The following RPS6KC1 variants were observed in gnomAD, a reference collection of about 807,000 sequenced individuals.
RPS6KC1 encodes inactive ribosomal protein S6 kinase delta-1.
Under a neutral mutation model 103.8 loss-of-function variants are expected in RPS6KC1, and 54 were observed. That is an observed-to-expected ratio of 0.52 (90% CI 0.42 to 0.65). The LOEUF (loss-of-function observed/expected upper bound fraction) is 0.65. Ranked by LOEUF, RPS6KC1 falls within the 30% of genes least tolerant of loss-of-function variation. The pLI, the probability that RPS6KC1 is intolerant of heterozygous loss-of-function variation, is 0.00. For missense variants in RPS6KC1, 1,151 were observed against 1,253.8 expected, an observed-to-expected ratio of 0.92 and a Z score of 1.24; for synonymous variants, 439 against 438.7, an observed-to-expected ratio of 1.00 and a Z score of -0.01.
the RPS6KC1 span, among the ~76,000 whole-genome samples, chr1:213,281,053 G>A: frequency 6.6e-6 from 1 of 151,128 alleles, no homozygotes; most frequent in Non-Finnish European, 1.5e-5. Flanking sequence ...CACTGATTAT[G>A]ACCAGAGGCA....
the RPS6KC1 span, chr1:213,819,824 T>C: frequency 1.7e-4 from 26 of 152,146 alleles, no homozygotes; most frequent in Non-Finnish European, 3.2e-4. Context: ...ACCTTATCAT[T>C]TGGAGTCACT....
the RPS6KC1 span, among the ~76,000 whole-genome samples, chr1:213,304,261 A>AC: frequency 1.3e-5 from 2 of 151,640 alleles, no homozygotes. Flanking sequence ...GCCTTCCTTA[A>AC]CCCAGGACAT....
the RPS6KC1 span, among the ~76,000 whole-genome samples, chr1:213,712,432 G>A: frequency 6.6e-6 from 1 of 152,206 alleles, no homozygotes; most frequent in East Asian, 1.9e-4. Flanking sequence ...TTAAGCCAGT[G>A]GATCTTAGCT....
At chr1:213,733,216 G>T in the RPS6KC1 span, among the ~76,000 whole-genome samples, 13 of 138,202 alleles carry the variant, frequency 9.4e-5, no homozygotes, top group Admixed American at 9.5e-4. Context: ...GGGTTTTTTT[G>T]TTTTGTTTTG....
At chr1:213,758,039 T>C in the RPS6KC1 span, among the ~76,000 whole-genome samples, 1 of 152,206 alleles carries the variant, frequency 6.6e-6, no homozygotes, top group Non-Finnish European at 1.5e-5. Flanking sequence ...TCATTGACAA[T>C]GCACCTGGCC....
the RPS6KC1 span, among the ~76,000 whole-genome samples, chr1:213,587,071 G>A: frequency 5.9e-5 from 9 of 152,230 alleles, no homozygotes; most frequent in Admixed American, 1.3e-4. Flanking sequence ...CATCTATTCC[G>A]CACCTTTCAC....
At chr1:213,079,564 C>T (rs1297774846) in intron 3 of RPS6KC1, among the ~76,000 whole-genome samples, 3 of 152,004 alleles carry the variant, frequency 2.0e-5, no homozygotes, top group Non-Finnish European at 2.9e-5. Context: ...ACCATAGGTG[C>T]ACACCACCAT....
the RPS6KC1 span, among the ~76,000 whole-genome samples, chr1:213,447,997 G>C: frequency 6.6e-6 from 1 of 152,126 alleles, no homozygotes; most frequent in Non-Finnish European, 1.5e-5. Context: ...TTGGGAAGCT[G>C]AGGCAGGAGG....
rs1052969881 is a variant in RPS6KC1, at chr1:213,262,744, A to G, written c.3018A>G (p.Ala1006=). The G allele has an allele frequency of 6.2e-7, 1 of 1,611,568 alleles. No individual in the cohort carries two copies. The highest frequency in any genetic ancestry group is 8.5e-7 in the Non-Finnish European group (1 of 1,177,758). Residue 1006 remains alanine, a synonymous_variant, in exon 14 of 15, where the codon GCA becomes GCG. Transcript: ENST00000366960. ...TGKTLVECHP[A]GINTHTTLNM... ...AGACTCTGGTTGAATGCCATCCAGC[A>G]GGAATAAATACTCACACTACTTTGA... is the stretch of plus-strand genomic sequence containing the variant.
the RPS6KC1 span, among the ~76,000 whole-genome samples, chr1:213,748,872 T>G: frequency 6.6e-6 from 1 of 152,174 alleles, no homozygotes; most frequent in Non-Finnish European, 1.5e-5. Context: ...ACATGCTGGG[T>G]TTTGGATCTC....
chr1:213,803,483 G>A, the RPS6KC1 span, among the ~76,000 whole-genome samples: 67 of 152,196 alleles, frequency 4.4e-4, no homozygotes, highest in African/African-American at 1.6e-3. Context: ...CCGATCCCAG[G>A]TGATCCGCCC....
chr1:213,128,309 A>C (rs960106567), intron 5 of RPS6KC1, among the ~76,000 whole-genome samples: 2 of 152,226 alleles, frequency 1.3e-5, no homozygotes, highest in African/African-American at 2.4e-5. Context: ...TGGAAAATAT[A>C]GTTATTTTTC....
the RPS6KC1 span, among the ~76,000 whole-genome samples, chr1:213,293,169 A>G: frequency 6.6e-6 from 1 of 152,204 alleles, no homozygotes; most frequent in African/African-American, 2.4e-5. Context: ...GACAAGGTAT[A>G]ACTTTCTTCT....
At chr1:213,674,717 C>A in the RPS6KC1 span, among the ~76,000 whole-genome samples, 2 of 152,170 alleles carry the variant, frequency 1.3e-5, no homozygotes, top group Non-Finnish European at 2.9e-5. Flanking sequence ...GACTGTTTTC[C>A]CCAGGGGCTG....
the RPS6KC1 span, among the ~76,000 whole-genome samples, chr1:213,283,117 A>G: frequency 6.6e-6 from 1 of 152,158 alleles, no homozygotes; most frequent in Non-Finnish European, 1.5e-5. Context: ...CTCTGCTCAC[A>G]ACTAACAACC....
chr1:213,731,977 A>G, the RPS6KC1 span, among the ~76,000 whole-genome samples: 2 of 152,220 alleles, frequency 1.3e-5, no homozygotes, highest in African/African-American at 2.4e-5. Context: ...TCCTGTGTTC[A>G]TACACATGTG....
At chr1:213,305,928 G>T in the RPS6KC1 span, among the ~76,000 whole-genome samples, 1 of 152,170 alleles carries the variant, frequency 6.6e-6, no homozygotes, top group Non-Finnish European at 1.5e-5. Flanking sequence ...GCTGAGGTCA[G>T]GAGACAGGTA....
chr1:213,430,954 T>G, the RPS6KC1 span, among the ~76,000 whole-genome samples: 1 of 152,190 alleles, frequency 6.6e-6, no homozygotes, highest in African/African-American at 2.4e-5. Context: ...CTCTGCACTC[T>G]ACCTGAATTC....
chr1:213,284,449 G>GTTC, the RPS6KC1 span, among the ~76,000 whole-genome samples: 1 of 150,168 alleles, frequency 6.7e-6, no homozygotes, highest in African/African-American at 2.5e-5. Context: ...TGAGGTAGAT[G>GTTC]TGGTGAACTA....
Sources: allele counts gnomAD v4.1 joint callset (sites outside exome capture counted in the v4.1 genomes callset), GRCh38; gene constraint gnomAD v4.1.1; transcripts MANE v1.5; gene names NCBI Gene and HGNC (gene_info 2026-07-23, HGNC 2026-07-21).